The following MAML3 variants were observed in gnomAD, a reference collection of about 807,000 sequenced individuals.
MAML3 encodes the protein mastermind like transcriptional coactivator 3.
Under a neutral mutation model 101.9 loss-of-function variants are expected in MAML3, and 27 were observed. The observed-to-expected ratio is 0.27, with a 90% CI of 0.20 to 0.37. MAML3 has a LOEUF of 0.37. MAML3 is among the 10% of genes least tolerant of loss of function. The probability of loss-of-function intolerance (pLI) is 1.00; values close to 1 mark genes in which losing one functional copy is unlikely to be tolerated. For synonymous variants in MAML3, 501 were observed against 555.9 expected, an observed-to-expected ratio of 0.90 and a Z score of 1.39; for missense variants, 1,316 against 1,444.9, an observed-to-expected ratio of 0.91 and a Z score of 1.45.
intron 2 of MAML3, among the ~76,000 whole-genome samples, chr4:139,788,518 T>A (rs1730346145): frequency 6.6e-6 from 1 of 152,218 alleles, no homozygotes; most frequent in Non-Finnish European, 1.5e-5. Flanking sequence ...TCTGACAGAA[T>A]GAAATCCTCC....
At chr4:139,790,714 G>A (rs913279598) in intron 2 of MAML3, among the ~76,000 whole-genome samples, 2 of 152,106 alleles carry the variant, frequency 1.3e-5, no homozygotes, top group African/African-American at 2.4e-5. Context: ...GTTGTAGTAC[G>A]TATCAGACAT....
chr4:139,731,779 C>CA (rs531357820), intron 2 of MAML3, among the ~76,000 whole-genome samples: 38 of 152,288 alleles, frequency 2.5e-4, no homozygotes, highest in African/African-American at 9.1e-4. Context: ...CCTAATTCCA[C>CA]ACAGCCCAGG....
At chr4:139,860,887 C>A (rs1288482636) in intron 2 of MAML3, among the ~76,000 whole-genome samples, 2 of 152,128 alleles carry the variant, frequency 1.3e-5, no homozygotes, top group Non-Finnish European at 2.9e-5. Context: ...TCAGTCTTAA[C>A]TGTGGTTCAT....
chr4:139,832,407 T>C (rs10020277), intron 2 of MAML3, among the ~76,000 whole-genome samples: 16,710 of 151,914 alleles, frequency 0.11, 2,137 homozygotes, highest in African/African-American at 0.31. Flanking sequence ...CCACCGCACC[T>C]GGCCCCTCCC....
intron 1 of MAML3, among the ~76,000 whole-genome samples, chr4:140,009,757 T>A (rs1578641034): frequency 6.6e-6 from 1 of 152,292 alleles, no homozygotes; most frequent in East Asian, 1.9e-4. Context: ...GAGACAAAAA[T>A]CCCTGTCCTT....
At position 140,147,952 on chromosome 4, in the gene MAML3, G is replaced by A. The variant is rs142736252; in HGVS notation, c.468+4908C>T. ...TGTGTGTGCACGTGCATGCATGAGA[G>A]AGAGAAATGCCTTATATTCCTATCT... On this transcript the variant is annotated intron_variant, in intron 1 of 4. Transcript: ENST00000509479. 2.2e-3 allele frequency among the ~76,000 whole-genome samples: 338 copies of A among 152,264 alleles called. 3 individuals carry two copies. The highest frequency in any genetic ancestry group is 7.8e-3 in the African/African-American group (323 of 41,542).
chr4:139,881,344 G>A (rs1198301299), intron 2 of MAML3, among the ~76,000 whole-genome samples: 4 of 152,030 alleles, frequency 2.6e-5, no homozygotes, highest in African/African-American at 7.2e-5. Flanking sequence ...AGTAAGACAC[G>A]CCCCTCAGCA....
intron 1 of MAML3, among the ~76,000 whole-genome samples, chr4:140,091,435 C>T (rs905774141): frequency 2.0e-5 from 3 of 151,520 alleles, no homozygotes; most frequent in African/African-American, 7.3e-5. Flanking sequence ...CAGACAAGTT[C>T]CTGTTCCTGA....
intron 2 of MAML3, among the ~76,000 whole-genome samples, chr4:139,811,438 G>A (rs962296263): frequency 6.6e-6 from 1 of 152,200 alleles, no homozygotes; most frequent in African/African-American, 2.4e-5. Flanking sequence ...AGAATCCAGG[G>A]AATTGGTTGG....
Position 139,737,078 on chromosome 4 carries a change from A to G in MAML3, c.2080-6411T>C, listed in dbSNP as rs1275330125. On this transcript the variant is annotated intron_variant, in intron 2 of 4. Transcript: ENST00000509479. ...GTGCTGTGGAGGCTGAGGAGCATCC[A>G]TGACTGAGGAAGGGCGAGTCCCCTA... Among the ~76,000 whole-genome samples, 6 of 152,276 alleles carry G rather than the reference A, an allele frequency of 3.9e-5. No individual in the cohort carries two copies. In the East Asian group the frequency reaches 9.7e-4, roughly 25 times the overall value.
At chr4:140,079,417 G>A (rs1024544077) in intron 1 of MAML3, among the ~76,000 whole-genome samples, 6 of 151,910 alleles carry the variant, frequency 3.9e-5, no homozygotes, top group South Asian at 2.1e-4. Context: ...CCTCAGCCTC[G>A]AGAGTAGCTG....
At chr4:140,091,795 GGC>G (rs1397021719) in intron 1 of MAML3, among the ~76,000 whole-genome samples, 1 of 151,796 alleles carries the variant, frequency 6.6e-6, no homozygotes, top group African/African-American at 2.4e-5. Context: ...GGGTTCAAAT[GGC>G]CTTTCGAAGA....
chr4:139,795,232 C>T (rs1006072238), intron 2 of MAML3, among the ~76,000 whole-genome samples: 1 of 152,188 alleles, frequency 6.6e-6, no homozygotes, highest in Non-Finnish European at 1.5e-5. Context: ...AATAACCTAA[C>T]ATAATGTTGA....
At chr4:139,765,737 C>T (rs1214629501) in intron 2 of MAML3, among the ~76,000 whole-genome samples, 6 of 152,162 alleles carry the variant, frequency 3.9e-5, no homozygotes, top group African/African-American at 1.4e-4. Context: ...CCGGTAATCT[C>T]AGCACTTCGG....
At chr4:140,007,156 C>T (rs949756029) in intron 1 of MAML3, among the ~76,000 whole-genome samples, 3 of 152,186 alleles carry the variant, frequency 2.0e-5, no homozygotes, top group Non-Finnish European at 4.4e-5. Context: ...TTTAAATAGC[C>T]TTGTTCATAA....
At chr4:139,774,802 C>A (rs1041030798) in intron 2 of MAML3, among the ~76,000 whole-genome samples, 1 of 152,202 alleles carries the variant, frequency 6.6e-6, no homozygotes, top group Non-Finnish European at 1.5e-5. Flanking sequence ...ATGGCTTGAA[C>A]TGCTATATGA....
intron 1 of MAML3, among the ~76,000 whole-genome samples, chr4:140,152,297 G>A (rs1729187174): frequency 6.6e-6 from 1 of 152,228 alleles, no homozygotes; most frequent in African/African-American, 2.4e-5. Flanking sequence ...CAAAGGGGGT[G>A]AGCTGGGGAG....
At chr4:139,938,479 G>C (rs895117838) in intron 1 of MAML3, among the ~76,000 whole-genome samples, 2 of 152,192 alleles carry the variant, frequency 1.3e-5, no homozygotes, top group Admixed American at 6.5e-5. Context: ...CTCTAGATCA[G>C]ACAATCAGAA....
At chr4:139,934,825 A>G (rs1733474046) in intron 1 of MAML3, among the ~76,000 whole-genome samples, 1 of 152,214 alleles carries the variant, frequency 6.6e-6, no homozygotes, top group African/African-American at 2.4e-5. Context: ...ACACTTTGTA[A>G]CATACATGGA....
Sources: allele counts gnomAD v4.1 joint callset (sites outside exome capture counted in the v4.1 genomes callset), GRCh38; gene constraint gnomAD v4.1.1; transcripts MANE v1.5; gene names NCBI Gene and HGNC (gene_info 2026-07-23, HGNC 2026-07-21).